The following FGF14 variants were observed in gnomAD, a reference collection of about 807,000 sequenced individuals.
The protein encoded by FGF14 is fibroblast growth factor homologous factor 4.
A neutral mutation model predicts 25.5 loss-of-function variants in FGF14; 5 were observed. The observed-to-expected ratio is 0.20, with a 90% CI of 0.10 to 0.41. The LOEUF is 0.41. Among genes scored for constraint, FGF14 ranks in the 10% least tolerant of loss-of-function variants. FGF14 has a pLI of 1.00. For missense variants in FGF14, 222 were observed against 320.1 expected (o/e 0.69, Z 2.34); for synonymous variants, 138 against 118.3 (o/e 1.17, Z -1.08).
At chr13:101,868,673 G>T in intron 3 of FGF14, 52 bp downstream of exon 3, 2 of 1,107,988 alleles carry the variant, frequency 1.8e-6, no homozygotes, top group Non-Finnish European at 2.8e-6. Flanking sequence ...TGCTGCCATT[G>T]TTATTTTACA....
chr13:102,274,636 T>C (rs1396232342), intron 1 of FGF14, among the ~76,000 whole-genome samples: 1 of 152,084 alleles, frequency 6.6e-6, no homozygotes, highest in Admixed American at 6.6e-5. Flanking sequence ...TTTTAAAGAA[T>C]GCAGCTTGTT....
intron 1 of FGF14, among the ~76,000 whole-genome samples, chr13:102,277,878 A>G (rs1433527330): frequency 6.6e-6 from 1 of 152,232 alleles, no homozygotes; most frequent in Non-Finnish European, 1.5e-5. Context: ...TACATCCTTA[A>G]TATCACCATC....
At chr13:101,856,218 T>C (rs987497496) in intron 3 of FGF14, among the ~76,000 whole-genome samples, 7 of 151,836 alleles carry the variant, frequency 4.6e-5, no homozygotes, top group Non-Finnish European at 7.4e-5. Context: ...TTACTTCCTC[T>C]CTAGGTAAAA....
intron 3 of FGF14, among the ~76,000 whole-genome samples, chr13:101,837,173 T>C (rs1274668617): frequency 4.6e-5 from 7 of 152,000 alleles, no homozygotes; most frequent in Admixed American, 2.6e-4. Context: ...ACTATATGTG[T>C]GTGTGTGTGT....
intron 1 of FGF14, among the ~76,000 whole-genome samples, chr13:102,182,650 T>G (rs898390818): frequency 2.6e-5 from 4 of 152,162 alleles, no homozygotes; most frequent in African/African-American, 9.7e-5. Flanking sequence ...TCTAAAATAT[T>G]TACTATTTGG....
intron 1 of FGF14, among the ~76,000 whole-genome samples, chr13:102,296,319 ACTT>A (rs1457656374): frequency 6.6e-6 from 1 of 152,160 alleles, no homozygotes; most frequent in African/African-American, 2.4e-5. Context: ...GATTTCTGCA[ACTT>A]CTTCTGAAAA....
At position 101,899,334 on chromosome 13, in the gene FGF14, C is replaced by T. The variant is rs116260583; in HGVS notation, c.193+17119G>A. Among the ~76,000 whole-genome samples, 1,268 of 151,600 alleles carry T rather than the reference C, an allele frequency of 8.4e-3. 14 individuals are homozygous for T. Among genetic ancestry groups the T allele is most frequent in the African/African-American group, 0.028 (1,175 of 41,364 alleles). The stretch of plus-strand genomic sequence containing the variant: ...AAGGGAACAATTAAAAAAATAAATA[C>T]ATATAGGAGTTAACAGACACAGATT... On this transcript the variant is annotated intron_variant, in intron 1 of 4. Coordinates refer to ENST00000376143, the MANE Select transcript of FGF14 (RefSeq NM_004115.4).
At chr13:102,107,762 C>A (rs1486009652) in intron 1 of FGF14, among the ~76,000 whole-genome samples, 2 of 152,134 alleles carry the variant, frequency 1.3e-5, no homozygotes, top group Non-Finnish European at 2.9e-5. Flanking sequence ...GGATGGCATT[C>A]TGGGCAGATG....
chr13:101,952,535 G>A (rs1441234313), intron 1 of FGF14, among the ~76,000 whole-genome samples: 1 of 151,940 alleles, frequency 6.6e-6, no homozygotes, highest in Admixed American at 6.6e-5. Flanking sequence ...CGACACAATT[G>A]GCAAAAATAA....
intron 1 of FGF14, among the ~76,000 whole-genome samples, chr13:102,348,796 G>C (rs746507397): frequency 6.6e-6 from 1 of 152,216 alleles, no homozygotes; most frequent in South Asian, 2.1e-4. Context: ...ATTTAGCCGG[G>C]TGTTGGGTTT....
intron 1 of FGF14, among the ~76,000 whole-genome samples, chr13:102,058,622 CTTAG>C (rs1222054746): frequency 6.6e-6 from 1 of 152,172 alleles, no homozygotes; most frequent in East Asian, 1.9e-4. Flanking sequence ...ACTATTACCT[CTTAG>C]TGTGTCATCC....
chr13:102,002,797 C>A (rs890457016), intron 1 of FGF14: 1 of 152,130 alleles, frequency 6.6e-6, no homozygotes, highest in Non-Finnish European at 1.5e-5. Context: ...CTCATTCTGG[C>A]GTGCAAGTAC....
chr13:102,325,459 C>T (rs903914198), intron 1 of FGF14, among the ~76,000 whole-genome samples: 29 of 152,128 alleles, frequency 1.9e-4, no homozygotes, highest in Non-Finnish European at 1.6e-4. Flanking sequence ...TCTTACCACA[C>T]CCTCTTGTGC....
chr13:101,969,192 G>A (rs1489506626), intron 1 of FGF14, among the ~76,000 whole-genome samples: 2 of 152,180 alleles, frequency 1.3e-5, no homozygotes, highest in African/African-American at 2.4e-5. Context: ...GCTCATAGTT[G>A]TCACTTATCA....
intron 3 of FGF14, among the ~76,000 whole-genome samples, chr13:101,791,200 G>A (rs1264699743): frequency 6.6e-6 from 1 of 152,142 alleles, no homozygotes; most frequent in Non-Finnish European, 1.5e-5. Context: ...CTCTGCGGAT[G>A]GCACTTCCTA....
rs3066051 is a variant in FGF14 at position 102,323,957 on chromosome 13, A to ATGTGTGTGTG, written c.208+77504_208+77513dup. On this transcript the variant is annotated intron_variant, in intron 1 of 4. Coordinates refer to the FGF14 transcript ENST00000376131. Reference sequence around the variant, plus strand: ...TCTTTAAAGGATCCCAACGTGCAGTATGTGTGTGTGTGTGTGTGTGTGTGT... The same window carrying ATGTGTGTGTG: ...TCTTTAAAGGATCCCAACGTGCAGTATGTGTGTGTGTGTGTGTGTGTGTGTGTGTGTGTGT... 5.9e-4 allele frequency among the ~76,000 whole-genome samples: 80 copies of ATGTGTGTGTG among 136,524 alleles called. 2 individuals are homozygous for ATGTGTGTGTG. The highest frequency in any genetic ancestry group is 2.1e-3 in the South Asian group (8 of 3,878). 89.6% of individuals were successfully genotyped at this position (136,524 alleles called of 152,430 possible).
intron 3 of FGF14, among the ~76,000 whole-genome samples, chr13:101,769,978 A>T (rs1259387276): frequency 3.3e-5 from 5 of 152,122 alleles, no homozygotes; most frequent in Non-Finnish European, 7.4e-5. Context: ...ATGATGCATC[A>T]TGTAGGTTCA....
At position 101,741,299 on chromosome 13, in the gene FGF14, G is replaced by T. The variant is rs576483702; in HGVS notation, c.409-14489C>A. Among the ~76,000 whole-genome samples, 10 of 152,262 alleles carry T rather than the reference G, an allele frequency of 6.6e-5. No homozygotes were observed. The South Asian group carries it at 2.1e-3, about 32-fold the overall frequency. Reference sequence around the variant, plus strand: ...TGCAGTGAGCTGAGATCACACCATTGCACTCCAGCCTGGCAGACAGGGCAA... The same window carrying T: ...TGCAGTGAGCTGAGATCACACCATTTCACTCCAGCCTGGCAGACAGGGCAA... On this transcript the variant is annotated intron_variant, in intron 3 of 4. Transcript: ENST00000376143.
intron 3 of FGF14, among the ~76,000 whole-genome samples, chr13:101,764,691 G>T (rs952792490): frequency 1.3e-5 from 2 of 152,068 alleles, no homozygotes; most frequent in African/African-American, 2.4e-5. Flanking sequence ...TGGGATTCCT[G>T]GTCTCTACCC....
Sources: allele counts gnomAD v4.1 joint callset (sites outside exome capture counted in the v4.1 genomes callset), GRCh38; gene constraint gnomAD v4.1.1; transcripts MANE v1.5; gene names NCBI Gene and HGNC (gene_info 2026-07-23, HGNC 2026-07-21).